The following OSBPL10 variants were observed in gnomAD, a reference collection of about 807,000 sequenced individuals.
The protein encoded by OSBPL10 is oxysterol-binding protein-related protein 10.
Under a neutral mutation model 81.7 loss-of-function variants are expected in OSBPL10, and 49 were observed. That is an observed-to-expected ratio of 0.60 (90% CI 0.48 to 0.76). OSBPL10 has a LOEUF of 0.76. Among genes scored for constraint, OSBPL10 ranks in the 30% least tolerant of loss-of-function variants. The probability of loss-of-function intolerance (pLI) is 0.00; values close to 1 mark genes in which losing one functional copy is unlikely to be tolerated. For missense variants in OSBPL10, 923 were observed against 987.8 expected (o/e 0.93, Z 0.88); for synonymous variants, 419 against 383.6 (o/e 1.09, Z -1.08).
chr3:31,851,699 T>A (rs1477453789), intron 3 of OSBPL10, among the ~76,000 whole-genome samples: 1 of 152,244 alleles, frequency 6.6e-6, no homozygotes, highest in East Asian at 1.9e-4. Context: ...TTCAGCAACA[T>A]GTGCCAGAAG....
rs753039730 is a variant in OSBPL10 at position 31,723,572 on chromosome 3, C to CACA, written c.1095+9684_1095+9685insTGT. Among the ~76,000 whole-genome samples, 572 of 146,750 alleles carry CACA rather than the reference C, an allele frequency of 3.9e-3. 4 individuals are homozygous for CACA. The highest frequency in any genetic ancestry group is 0.014 in the African/African-American group (524 of 37,600). On this transcript the variant is annotated intron_variant, in intron 6 of 11. Transcript: ENST00000396556. ...CACACACACACACACACACACACACCCCTTTCCCTCTAGTTGCTCACATCC... is the reference window on the plus strand; with the variant it reads ...CACACACACACACACACACACACACCACACCTTTCCCTCTAGTTGCTCACATCC...
rs116147308 is a variant in OSBPL10, at chr3:31,867,969, A to C, written c.537+8464T>G. ...CAAACATAGAATAGGTCTATGGCCAAAGCCTGGTCTTCCTAGTCCCTCCTC... is the reference window on the plus strand; with the variant it reads ...CAAACATAGAATAGGTCTATGGCCACAGCCTGGTCTTCCTAGTCCCTCCTC... On this transcript the variant is annotated intron_variant, in intron 3 of 11. Coordinates refer to ENST00000396556, the MANE Select transcript of OSBPL10 (RefSeq NM_017784.5). Among the ~76,000 whole-genome samples, 752 of 152,336 alleles carry C rather than the reference A, an allele frequency of 4.9e-3. 5 individuals are homozygous for C. The highest frequency in any genetic ancestry group is 0.017 in the African/African-American group (721 of 41,580).
chr3:31,767,208 T>C (rs971731192), intron 4 of OSBPL10, among the ~76,000 whole-genome samples: 1 of 152,224 alleles, frequency 6.6e-6, no homozygotes, highest in Admixed American at 6.5e-5. Flanking sequence ...AAGAGCCCTC[T>C]TGTGTTTTGC....
At chr3:32,026,510 T>C (rs934042850) in intron 2 of OSBPL10, among the ~76,000 whole-genome samples, 1 of 152,146 alleles carries the variant, frequency 6.6e-6, no homozygotes, top group Non-Finnish European at 1.5e-5. Context: ...CAATCCAGAT[T>C]GATATGATTA....
chr3:31,677,858 GATC>G (rs1700521161), intron 8 of OSBPL10, among the ~76,000 whole-genome samples: 2 of 149,348 alleles, frequency 1.3e-5, no homozygotes, highest in Admixed American at 1.3e-4. Flanking sequence ...GAGGCGGGTG[GATC>G]ATGAGGTCAG....
At chr3:31,922,219 T>C (rs968981272) in intron 1 of OSBPL10, among the ~76,000 whole-genome samples, 1 of 152,264 alleles carries the variant, frequency 6.6e-6, no homozygotes, top group African/African-American at 2.4e-5. Context: ...AGGTGTAATA[T>C]CGGTTATTAA....
intron 1 of OSBPL10, among the ~76,000 whole-genome samples, chr3:31,925,607 G>C (rs1697050028): frequency 6.6e-6 from 1 of 152,004 alleles, no homozygotes; most frequent in Non-Finnish European, 1.5e-5. Context: ...GAGGTCAGGA[G>C]TTCAAGACCA....
upstream of OSBPL10, among the ~76,000 whole-genome samples, chr3:31,985,053 A>G (rs890396133): frequency 1.3e-5 from 2 of 152,216 alleles, no homozygotes; most frequent in African/African-American, 4.8e-5. Context: ...AGCCTGGCCA[A>G]CATGGTACAA....
chr3:31,807,523 T>A lies in OSBPL10; in HGVS notation c.729+22517A>T, dbSNP rs144527021. Among the ~76,000 whole-genome samples the A allele has an allele frequency of 3.4e-3, 513 of 151,520 alleles. 3 individuals are homozygous for A. Among genetic ancestry groups the A allele is most frequent in the African/African-American group, 0.012 (496 of 41,254 alleles). On this transcript the variant is annotated intron_variant, in intron 4 of 11. Transcript: ENST00000396556. ...GGCTCATGCCTGTAATCCTAGCACT[T>A]TGGGAGGCCAAGGCTGGTTTATCAT...
chr3:31,956,805 T>C (rs925496433), intron 1 of OSBPL10, among the ~76,000 whole-genome samples: 3 of 151,994 alleles, frequency 2.0e-5, no homozygotes, highest in African/African-American at 4.8e-5. Flanking sequence ...ATGTCAATCT[T>C]GGATGCTGCT....
At chr3:31,827,318 G>A (rs1700123592) in intron 4 of OSBPL10, among the ~76,000 whole-genome samples, 1 of 151,522 alleles carries the variant, frequency 6.6e-6, no homozygotes, top group South Asian at 2.1e-4. Flanking sequence ...AAAAAAAAAA[G>A]CATACGTGTA....
chr3:31,939,435 A>C (rs1397548822), intron 1 of OSBPL10, among the ~76,000 whole-genome samples: 2 of 149,076 alleles, frequency 1.3e-5, no homozygotes. Context: ...GAGTCACCAC[A>C]CCTGGCCAAC....
intron 4 of OSBPL10, among the ~76,000 whole-genome samples, chr3:31,809,715 C>G (rs1006702239): frequency 3.9e-5 from 6 of 151,952 alleles, no homozygotes; most frequent in Non-Finnish European, 8.8e-5. Flanking sequence ...TATGAATGTG[C>G]CAACAAACCA....
At chr3:32,020,703 A>G (rs1292040790) in intron 2 of OSBPL10, among the ~76,000 whole-genome samples, 2 of 152,096 alleles carry the variant, frequency 1.3e-5, no homozygotes, top group Non-Finnish European at 2.9e-5. Flanking sequence ...TTAATGAAAA[A>G]CATCTCCAGG....
intron 2 of OSBPL10, chr3:32,030,602 G>A (rs1575088799): frequency 8.0e-7 from 1 of 1,244,324 alleles, no homozygotes; most frequent in Non-Finnish European, 1.2e-6. Flanking sequence ...GCTCCACCCA[G>A]AGAAGCACAC....
chr3:31,950,766 A>T (rs1697844903), intron 1 of OSBPL10, among the ~76,000 whole-genome samples: 1 of 152,112 alleles, frequency 6.6e-6, no homozygotes, highest in Non-Finnish European at 1.5e-5. Context: ...CTGTTAGTTT[A>T]CCAGTTAGCT....
At chr3:31,846,626 C>T (rs1460931216) in intron 3 of OSBPL10, among the ~76,000 whole-genome samples, 1 of 110,374 alleles carries the variant, frequency 9.1e-6, no homozygotes, top group African/African-American at 3.4e-5. Context: ...GAGCAAAACT[C>T]CATCTCAATA....
chr3:31,889,592 C>T (rs570681044), intron 1 of OSBPL10, among the ~76,000 whole-genome samples: 2 of 148,810 alleles, frequency 1.3e-5, no homozygotes, highest in African/African-American at 5.0e-5. Flanking sequence ...TGTATGGAAA[C>T]TTAAAAAAAA....
chr3:31,850,047 C>A (rs1302030276), intron 3 of OSBPL10, among the ~76,000 whole-genome samples: 1 of 152,138 alleles, frequency 6.6e-6, no homozygotes, highest in African/African-American at 2.4e-5. Context: ...TTCCTGTAAT[C>A]CCAGCTACTC....
Sources: gnomAD v4.1 joint callset for allele counts (sites outside exome capture counted in the v4.1 genomes callset) on GRCh38, gnomAD v4.1.1 for gene constraint, MANE v1.5 for transcripts, NCBI Gene and HGNC (gene_info 2026-07-23, HGNC 2026-07-21) for gene names.